Variants in DUSP26 observed in about 807,000 individuals in gnomAD.
The protein encoded by DUSP26 is dual specificity protein phosphatase 26.
Under a neutral mutation model 20.0 loss-of-function variants are expected in DUSP26, and 12 were observed. The ratio of observed to expected loss-of-function variants is 0.60; its 90% CI spans 0.38 to 0.97. DUSP26 has a LOEUF of 0.97. DUSP26 is among the 50% of genes least tolerant of loss of function. DUSP26 has a pLI of 0.00. For synonymous variants in DUSP26, 120 were observed against 118.8 expected, an observed-to-expected ratio of 1.01 and a Z score of -0.06; for missense variants, 230 against 294.0, an observed-to-expected ratio of 0.78 and a Z score of 1.59.
intron 3 of DUSP26, 52 bp downstream of exon 3, chr8:33,593,481 C>G (rs1811069114): frequency 1.3e-6 from 2 of 1,586,168 alleles, no homozygotes; most frequent in Non-Finnish European, 1.7e-6. Flanking sequence ...CCTTGGACTT[C>G]CCCAAATTCC....
chr8:33,597,509 G>A lies in DUSP26; in HGVS notation c.7C>T (p.Pro3Ser). 6.2e-7 allele frequency: 1 copy of A among 1,610,614 alleles called. No homozygotes were observed. The highest frequency in any genetic ancestry group is 8.5e-7 in the Non-Finnish European group (1 of 1,178,394). ...ATAGAAGCCCAAAGCCAGTTACCAGGGCACATCTTAGAGGTGGCAGAAACC... is the reference window on the plus strand; with the variant it reads ...ATAGAAGCCCAAAGCCAGTTACCAGAGCACATCTTAGAGGTGGCAGAAACC... The part of the protein sequence containing the change: MC[P>S]GNWLWASMTF... The change falls in exon 2 of 4, where the codon CCT becomes TCT. Residue 3 changes from proline (P) to serine (S), a missense_variant. Pro to Ser is a moderately conservative substitution (Grantham distance 74). Coordinates refer to ENST00000256261, the MANE Select transcript of DUSP26 (RefSeq NM_024025.3).
At chr8:33,599,024 T>G (rs1349001718) in intron 1 of DUSP26, among the ~76,000 whole-genome samples, 1 of 152,138 alleles carries the variant, frequency 6.6e-6, no homozygotes, top group Non-Finnish European at 1.5e-5. Flanking sequence ...AGGACCAGGA[T>G]TGGTGAGGGA....
intron 2 of DUSP26, among the ~76,000 whole-genome samples, chr8:33,594,041 A>G (rs1811086718): frequency 6.6e-6 from 1 of 151,776 alleles, no homozygotes; most frequent in Non-Finnish European, 1.5e-5. Context: ...GCTGGTCTTG[A>G]ACTCCTGACC....
intron 3 of DUSP26, among the ~76,000 whole-genome samples, chr8:33,592,733 A>G (rs890584142): frequency 6.6e-6 from 1 of 151,936 alleles, no homozygotes; most frequent in Non-Finnish European, 1.5e-5. Context: ...TAAACCTGAA[A>G]GGGGTCAAAG....
At position 33,592,125 on chromosome 8, in the gene DUSP26, AG is replaced by A. The variant is rs777630542; in HGVS notation, c.523del (p.Leu175SerfsTer21). ...TTTGACTTTCTTGATGGCCTCCACG[AG>A]GGTAAGGTGGTGGTACAGCATGAGG... ...AYLMLYHHLT[L>X]VEAIKKVKDH... On this transcript the variant is annotated frameshift_variant, in exon 4 of 4. Coordinates refer to ENST00000256261, the MANE Select transcript of DUSP26 (RefSeq NM_024025.3). LOFTEE classifies it high-confidence loss of function. 2.0e-5 allele frequency: 32 copies of A among 1,613,722 alleles called. No individual in the cohort carries two copies. Among genetic ancestry groups the A allele is most frequent in the Non-Finnish European group, 1.7e-6 (2 of 1,179,970 alleles).
Position 33,592,072 on chromosome 8 carries a change from C to T in DUSP26, c.577G>A (p.Gly193Ser). The T allele has an allele frequency of 6.2e-7, 1 of 1,614,042 alleles. No individual in the cohort carries two copies. Among genetic ancestry groups the T allele is most frequent in the East Asian group, 2.2e-5 (1 of 44,866 alleles). Residue 193 changes from glycine (G) to serine (S), a missense_variant, in exon 4 of 4, where the codon GGC (glycine) becomes AGC (serine). Gly to Ser is a moderately conservative substitution (Grantham distance 56). Transcript: ENST00000256261. Reference sequence around the variant, plus strand: ...AGGGCCAGGAGCTGCCTCAGGAAGCCCCGGTTGGGGATGATGCCTCGGTGG... The same window carrying T: ...AGGGCCAGGAGCTGCCTCAGGAAGCTCCGGTTGGGGATGATGCCTCGGTGG... ...KDHRGIIPNR[G>S]FLRQLLALDR...
intron 1 of DUSP26, among the ~76,000 whole-genome samples, chr8:33,599,212 C>A (rs1246983609): frequency 6.6e-6 from 1 of 150,648 alleles, no homozygotes; most frequent in Non-Finnish European, 1.5e-5. Context: ...CCTAAAGACC[C>A]CATTACTGTA....
chr8:33,594,864 C>T (rs74536782), intron 2 of DUSP26, among the ~76,000 whole-genome samples: 3,853 of 151,800 alleles, frequency 0.025, 104 homozygotes, highest in East Asian at 0.13. Context: ...GCTGGGATTA[C>T]AGGTGCCTGC....
rs751664896 is a variant in DUSP26, at chr8:33,599,244, TAGAG to T, written c.-77+417_-77+420del. Among the ~76,000 whole-genome samples, 240 of 150,852 alleles carry T rather than the reference TAGAG, an allele frequency of 1.6e-3. 2 individuals carry two copies. Among genetic ancestry groups the T allele is most frequent in the Middle Eastern group, 0.014 (4 of 294 alleles). ...TGTATTGCAATACAACCTTTCCTCT[TAGAG>T]AGTCTGCTGTCTACGAGATGATGAA... On this transcript the variant is annotated intron_variant, in intron 1 of 3. Transcript: ENST00000256261.
Position 33,595,358 on chromosome 8 carries a change from T to TTGTTGTTG in DUSP26, c.222-1612_222-1611insCAACAACA, listed in dbSNP as rs1554536720. On this transcript the variant is annotated intron_variant, in intron 2 of 3. Coordinates refer to ENST00000256261, the MANE Select transcript of DUSP26 (RefSeq NM_024025.3). ...CACATTTACTGTGACTGTGTTTTTTTTTGTTGTTGTTGTTGTTGTTTGTTT... is the reference window on the plus strand; with the variant it reads ...CACATTTACTGTGACTGTGTTTTTTTTGTTGTTGTTGTTGTTGTTGTTGTTGTTTGTTT... Among the ~76,000 whole-genome samples the TTGTTGTTG allele has an allele frequency of 2.0e-5, 3 of 151,048 alleles. No individual in the cohort carries two copies. In the South Asian group the frequency reaches 6.3e-4, roughly 32 times the overall value.
chr8:33,593,535 C>A lies in DUSP26; in HGVS notation c.434G>T (p.Gly145Val). The change falls in exon 3 of 4, where the codon GGA (glycine) becomes GTA (valine). Residue 145 changes from glycine (G) to valine (V), a missense_variant and splice_region_variant. Gly to Val is a moderately radical substitution (Grantham distance 109). Transcript: ENST00000256261. ...DFIHRALSQP[G>V]GKILVHCAVG... is the part of the protein sequence containing the mutation. ...TGCTCCCAGCATTCCCCTCCTACCTCCTGGCTGGCTCAGCGCCCGGTGGAT... is the reference window on the plus strand; with the variant it reads ...TGCTCCCAGCATTCCCCTCCTACCTACTGGCTGGCTCAGCGCCCGGTGGAT... 2.5e-6 allele frequency: 4 copies of A among 1,612,604 alleles called. No homozygotes were observed. The highest frequency in any genetic ancestry group is 3.4e-6 in the Non-Finnish European group (4 of 1,178,684).
intron 3 of DUSP26, among the ~76,000 whole-genome samples, chr8:33,592,493 C>T (rs1032902118): frequency 8.1e-6 from 1 of 123,786 alleles, no homozygotes; most frequent in East Asian, 2.8e-4. Context: ...GAGCCAAGAT[C>T]GTGTCATTGC....
chr8:33,593,318 A>G lies in DUSP26; in HGVS notation c.436+215T>C, dbSNP rs137914875. On this transcript the variant is annotated intron_variant, in intron 3 of 3. Coordinates refer to ENST00000256261, the MANE Select transcript of DUSP26 (RefSeq NM_024025.3). ...TCGATCACATATAATCTTGCCACCC[A>G]GGTGTAACTTGCCACTCTTAACATT... Among the ~76,000 whole-genome samples, 8 of 152,296 alleles carry G rather than the reference A, an allele frequency of 5.3e-5. No individual in the cohort carries two copies. The East Asian group carries it at 1.5e-3, about 29-fold the overall frequency.
chr8:33,594,733 T>C (rs1190205359), intron 2 of DUSP26, among the ~76,000 whole-genome samples: 1 of 151,290 alleles, frequency 6.6e-6, no homozygotes, highest in African/African-American at 2.4e-5. Context: ...TTTTTTTTTT[T>C]TGGGAGGTGG....
At chr8:33,599,177 ATCT>A (rs1293438746) in intron 1 of DUSP26, among the ~76,000 whole-genome samples, 5 of 152,106 alleles carry the variant, frequency 3.3e-5, no homozygotes, top group East Asian at 3.9e-4. Context: ...TATCACCATC[ATCT>A]TCTTCTACCT....
chr8:33,594,579 A>G (rs966616533), intron 2 of DUSP26, among the ~76,000 whole-genome samples: 2 of 151,782 alleles, frequency 1.3e-5, no homozygotes, highest in Non-Finnish European at 2.9e-5. Context: ...GTGACAGAGC[A>G]AGACTCCATC....
chr8:33,593,414 C>T, intron 3 of DUSP26, 119 bp downstream of exon 3: 7 of 1,156,344 alleles, frequency 6.1e-6, no homozygotes, highest in Admixed American at 5.6e-5. Context: ...TTTTTTCTTT[C>T]TTAACAAGAT....
chr8:33,597,808 T>C, intron 1 of DUSP26: 1 of 323,264 alleles, frequency 3.1e-6, no homozygotes, highest in South Asian at 4.4e-5. Flanking sequence ...TCACATGTCC[T>C]TGTTTACGGG....
chr8:33,593,876 T>A, intron 2 of DUSP26, 129 bp from the exon 3 acceptor site: 2 of 1,097,154 alleles, frequency 1.8e-6, no homozygotes, highest in South Asian at 1.6e-5. Flanking sequence ...TCGCTCTGTT[T>A]CCTAGGCCAG....
Sources: allele counts gnomAD v4.1 joint callset (sites outside exome capture counted in the v4.1 genomes callset), GRCh38; gene constraint gnomAD v4.1.1; transcripts MANE v1.5; gene names NCBI Gene and HGNC (gene_info 2026-07-23, HGNC 2026-07-21).